Variants in BLTP1 observed in about 807,000 individuals in gnomAD.
BLTP1 encodes the protein bridge-like lipid transfer protein family member 1, also known as fragile site-associated protein.
At chr4:122,262,615 T>G in the BLTP1 span, 35 of 884,414 alleles carry the variant, frequency 4.0e-5, no homozygotes, top group South Asian at 8.4e-4. Flanking sequence ...TAAAAAGGAT[T>G]CACCACAATC....
chr4:122,334,318 T>A, the BLTP1 span: 1 of 1,474,820 alleles, frequency 6.8e-7, no homozygotes, highest in Non-Finnish European at 9.4e-7. Flanking sequence ...AATTTTAATT[T>A]TAAAAGTTTA....
chr4:122,239,759 G>A, the BLTP1 span: 4 of 1,614,112 alleles, frequency 2.5e-6, no homozygotes, highest in Non-Finnish European at 2.5e-6. Context: ...CAAAGCAGAG[G>A]AGAAGTTTTG....
chr4:122,174,961 C>T, the BLTP1 span: 2 of 792,666 alleles, frequency 2.5e-6, no homozygotes, highest in African/African-American at 1.9e-5. Flanking sequence ...TCGTTATATA[C>T]AGCAAGGTTT....
At chr4:122,319,721 A>G in the BLTP1 span, among the ~76,000 whole-genome samples, 1 of 151,556 alleles carries the variant, frequency 6.6e-6, no homozygotes, top group Non-Finnish European at 1.5e-5. Flanking sequence ...TTGTATTTTT[A>G]GTAGAGACGG....
At chr4:122,331,703 T>C in the BLTP1 span, 4 of 979,478 alleles carry the variant, frequency 4.1e-6, no homozygotes, top group Non-Finnish European at 4.9e-6. Flanking sequence ...ATACAGTTTC[T>C]TATAAACAAG....
the BLTP1 span, among the ~76,000 whole-genome samples, chr4:122,168,522 GA>G: frequency 6.6e-6 from 1 of 151,974 alleles, no homozygotes; most frequent in Non-Finnish European, 1.5e-5. Context: ...TGTAATATGT[GA>G]ATATTTGGTT....
chr4:122,153,580 T>A, the BLTP1 span, among the ~76,000 whole-genome samples: 1 of 152,208 alleles, frequency 6.6e-6, no homozygotes, highest in Non-Finnish European at 1.5e-5. Context: ...TTGCAGTCCC[T>A]TAGTCAGTAT....
At chr4:122,183,017 A>C in the BLTP1 span, 1 of 985,188 alleles carries the variant, frequency 1.0e-6, no homozygotes, top group African/African-American at 1.7e-5. Flanking sequence ...TCATGATCAA[A>C]TGAAGTAACT....
chr4:122,152,487 G>C, the BLTP1 span: 12 of 985,758 alleles, frequency 1.2e-5, no homozygotes, highest in Non-Finnish European at 1.4e-5. Flanking sequence ...CATCCGGCTC[G>C]GTGCTGCTGC....
At chr4:122,176,708 TA>T in the BLTP1 span, among the ~76,000 whole-genome samples, 47 of 151,392 alleles carry the variant, frequency 3.1e-4, no homozygotes, top group African/African-American at 1.0e-3. Flanking sequence ...GGATAATTGA[TA>T]AAAAAAAATG....
At chr4:122,254,450 A>ATTAAGTT in the BLTP1 span, 9 of 1,284,692 alleles carry the variant, frequency 7.0e-6, no homozygotes, top group Non-Finnish European at 9.4e-6. Flanking sequence ...TGGTATATAT[A>ATTAAGTT]GTATTAAGGT....
chr4:122,311,323 G>A, the BLTP1 span, among the ~76,000 whole-genome samples: 1 of 152,092 alleles, frequency 6.6e-6, no homozygotes, highest in Admixed American at 6.6e-5. Context: ...TTTTAGAGGG[G>A]ACTAACTGAC....
the BLTP1 span, chr4:122,207,378 C>T: frequency 7.3e-7 from 1 of 1,374,028 alleles, no homozygotes; most frequent in South Asian, 1.5e-5. Context: ...TATTTCCCCC[C>T]ATTATCTTTG....
At chr4:122,344,878 G>A in the BLTP1 span, 3 of 984,820 alleles carry the variant, frequency 3.0e-6, no homozygotes, top group South Asian at 4.7e-5. Flanking sequence ...AATTGTAAAT[G>A]CTTAAAACAC....
chr4:122,277,013 T>C, the BLTP1 span: 2 of 983,632 alleles, frequency 2.0e-6, no homozygotes, highest in Non-Finnish European at 2.4e-6. Context: ...ATATGAAATA[T>C]GTATTTTGTG....
At chr4:122,176,709 A>T in the BLTP1 span, among the ~76,000 whole-genome samples, 449 of 151,478 alleles carry the variant, frequency 3.0e-3, 1 homozygote, top group East Asian at 6.8e-3. Flanking sequence ...GATAATTGAT[A>T]AAAAAAAATG....
the BLTP1 span, chr4:122,167,816 G>A: frequency 5.1e-6 from 5 of 985,292 alleles, no homozygotes; most frequent in African/African-American, 5.2e-5. Context: ...GCTTTACTCT[G>A]CTTCACCTTG....
At chr4:122,309,071 G>GA in the BLTP1 span, 12 of 283,012 alleles carry the variant, frequency 4.2e-5, no homozygotes, top group Non-Finnish European at 6.4e-5. Flanking sequence ...TGTTAAGTAA[G>GA]AAAAAAAATG....
chr4:122,204,756 T>C, the BLTP1 span: 7 of 514,276 alleles, frequency 1.4e-5, no homozygotes, highest in Non-Finnish European at 1.8e-5. Context: ...ATTTCCCAAG[T>C]GTTAGACGCT....
Sources: gnomAD v4.1 joint callset for allele counts (sites outside exome capture counted in the v4.1 genomes callset) on GRCh38, gnomAD v4.1.1 for gene constraint, MANE v1.5 for transcripts, NCBI Gene and HGNC (gene_info 2026-07-23, HGNC 2026-07-21) for gene names.